TENM3: variants seen among roughly 807,000 people sequenced by gnomAD.
TENM3 encodes the protein teneurin transmembrane protein 3.
In TENM3, 63 loss-of-function variants were observed where a neutral mutation model predicts 255.1. That is an observed-to-expected ratio of 0.25 (90% CI 0.20 to 0.30). The LOEUF (loss-of-function observed/expected upper bound fraction) is 0.30, where lower values mean the gene tolerates loss of function less well. TENM3 is among the 10% of genes least tolerant of loss of function. The pLI is 1.00. For synonymous variants in TENM3, 1,306 were observed against 1,322.3 expected (o/e 0.99, Z 0.27); for missense variants, 2,929 against 3,461.1 (o/e 0.85, Z 3.86).
intron 12 of TENM3, among the ~76,000 whole-genome samples, chr4:182,700,915 T>C (rs1300293043): frequency 6.6e-6 from 1 of 152,126 alleles, no homozygotes; most frequent in Non-Finnish European, 1.5e-5. Context: ...TGTCAACACC[T>C]CTTTTTAAAA....
At chr4:182,273,940 A>G (rs1759824635) in intron 1 of TENM3, among the ~76,000 whole-genome samples, 1 of 152,354 alleles carries the variant, frequency 6.6e-6, no homozygotes. Flanking sequence ...TCTCCTATTA[A>G]TGCTTTAAAT....
intron 3 of TENM3, among the ~76,000 whole-genome samples, chr4:182,419,567 A>C (rs1164014469): frequency 1.3e-5 from 2 of 152,210 alleles, no homozygotes; most frequent in African/African-American, 4.8e-5. Flanking sequence ...AGACACATGC[A>C]CACATATGTT....
At chr4:181,950,883 A>G in the TENM3 span, among the ~76,000 whole-genome samples, 1 of 152,136 alleles carries the variant, frequency 6.6e-6, no homozygotes, top group African/African-American at 2.4e-5. Context: ...TCTACAAAAA[A>G]TAAACAAAAT....
the TENM3 span, among the ~76,000 whole-genome samples, chr4:181,662,350 C>A: frequency 3.7e-4 from 57 of 152,288 alleles, no homozygotes; most frequent in South Asian, 4.1e-4. Flanking sequence ...TTGATTTTAA[C>A]AATTTGCCAA....
chr4:182,585,965 C>T (rs1745981454), intron 3 of TENM3, among the ~76,000 whole-genome samples: 1 of 152,170 alleles, frequency 6.6e-6, no homozygotes, highest in Non-Finnish European at 1.5e-5. Flanking sequence ...TTTTAAAAGG[C>T]ACAACCGGCT....
intron 6 of TENM3, among the ~76,000 whole-genome samples, chr4:182,656,328 A>G (rs544683953): frequency 1.3e-5 from 2 of 152,156 alleles, no homozygotes; most frequent in Non-Finnish European, 2.9e-5. Flanking sequence ...TGCCTTCTTT[A>G]TTATTACTTG....
chr4:181,980,042 A>T, the TENM3 span: 5 of 152,272 alleles, frequency 3.3e-5, no homozygotes, highest in African/African-American at 1.2e-4. Context: ...CCTTGACTAC[A>T]AACGGAAACT....
At position 182,600,916 on chromosome 4, in the gene TENM3, TTTTTC is replaced by T; in HGVS notation, c.512-7_512-3del. 1.4e-6 allele frequency: 2 copies of T among 1,417,178 alleles called. No homozygotes were observed. Among genetic ancestry groups the T allele is most frequent in the Non-Finnish European group, 9.5e-7 (1 of 1,050,248 alleles). The allele number at this position is 1,417,178 out of a possible 1,614,324, so 87.8% of individuals were successfully genotyped here. ...CTCTTTCTTTTTTTTTTTTTTTTTT[TTTTTC>T]AGAGCAACCTGCAAGCAATCAAGGC... is the stretch of plus-strand genomic sequence containing the variant. On this transcript the variant is annotated splice_region_variant and splice_polypyrimidine_tract_variant and intron_variant, in intron 3 of 27. Transcript: ENST00000511685.
chr4:182,163,941 A>G (rs952126145), intron 1 of TENM3, among the ~76,000 whole-genome samples: 1 of 152,164 alleles, frequency 6.6e-6, no homozygotes, highest in Non-Finnish European at 1.5e-5. Flanking sequence ...AATGTCATAG[A>G]TTCCCATGGC....
intron 3 of TENM3, among the ~76,000 whole-genome samples, chr4:182,456,905 C>G (rs938494345): frequency 6.6e-6 from 1 of 152,074 alleles, no homozygotes; most frequent in Non-Finnish European, 1.5e-5. Context: ...CAGCTGGGCC[C>G]GGCATGGTGG....
At chr4:181,565,696 A>G in the TENM3 span, among the ~76,000 whole-genome samples, 1 of 152,206 alleles carries the variant, frequency 6.6e-6, no homozygotes, top group African/African-American at 2.4e-5. Context: ...TGAAGGTATT[A>G]TCATGTTTGT....
the TENM3 span, among the ~76,000 whole-genome samples, chr4:181,548,083 GT>G: frequency 6.6e-6 from 1 of 151,814 alleles, no homozygotes; most frequent in Non-Finnish European, 1.5e-5. Context: ...CCTTGCAATA[GT>G]TTGCTGAGAA....
rs182821563 is a variant in TENM3, at chr4:182,223,822, A to G, written c.-76+79068A>G. Among the ~76,000 whole-genome samples the G allele has an allele frequency of 2.0e-5, 3 of 150,920 alleles. No homozygotes were observed. In the East Asian group the frequency reaches 5.8e-4, roughly 29 times the overall value. ...AAAAAGGAATGGAATTGACTGGTAA[A>G]TTATTAGTACTTCTATCTACCACTT... On this transcript the variant is annotated intron_variant, in intron 1 of 2. Coordinates refer to the TENM3 transcript ENST00000512480.
the TENM3 span, among the ~76,000 whole-genome samples, chr4:182,069,686 A>AACACACACAC: frequency 0.01 from 1,511 of 149,528 alleles, 21 homozygotes; most frequent in African/African-American, 0.029. Flanking sequence ...TAGATGCATA[A>AACACACACAC]ACACACACAC....
chr4:182,458,736 TG>T (rs1774068133), intron 3 of TENM3, among the ~76,000 whole-genome samples: 1 of 152,242 alleles, frequency 6.6e-6, no homozygotes, highest in South Asian at 2.1e-4. Flanking sequence ...GCTTTCTTTG[TG>T]TATGTATTTG....
intron 6 of TENM3, among the ~76,000 whole-genome samples, chr4:182,654,405 T>C (rs903633322): frequency 2.0e-5 from 3 of 152,222 alleles, no homozygotes; most frequent in African/African-American, 7.2e-5. Context: ...ATCAATTGGC[T>C]CTGAATTAAA....
the TENM3 span, among the ~76,000 whole-genome samples, chr4:181,860,611 A>G: frequency 1.3e-5 from 2 of 152,194 alleles, no homozygotes; most frequent in African/African-American, 4.8e-5. Context: ...AGTAGACCCT[A>G]CGGTTGATTA....
the TENM3 span, among the ~76,000 whole-genome samples, chr4:182,102,140 C>G: frequency 1.2e-4 from 18 of 152,268 alleles, no homozygotes; most frequent in African/African-American, 4.3e-4. Context: ...ACTGCTGAGG[C>G]CTGTGTAGGA....
chr4:181,814,437 C>G, the TENM3 span, among the ~76,000 whole-genome samples: 1 of 152,124 alleles, frequency 6.6e-6, no homozygotes, highest in East Asian at 1.9e-4. Flanking sequence ...TTCAATAAAC[C>G]TCTTTCAAGA....
Sources: allele counts gnomAD v4.1 joint callset (sites outside exome capture counted in the v4.1 genomes callset), GRCh38; gene constraint gnomAD v4.1.1; transcripts MANE v1.5; gene names NCBI Gene and HGNC (gene_info 2026-07-23, HGNC 2026-07-21).